Variants in MFHAS1 observed in about 807,000 individuals in gnomAD.
MFHAS1 encodes the protein multifunctional ROCO family signaling regulator 1, also known as malignant fibrous histiocytoma-amplified sequence 1.
Under a neutral mutation model 70.4 loss-of-function variants are expected in MFHAS1, and 50 were observed. The observed-to-expected ratio is 0.71, with a 90% CI of 0.57 to 0.90. The LOEUF (loss-of-function observed/expected upper bound fraction) is 0.90, where lower values mean the gene tolerates loss of function less well. Among genes scored for constraint, MFHAS1 ranks in the 40% least tolerant of loss-of-function variants. MFHAS1 has a pLI of 0.00. For missense variants in MFHAS1, 1,795 were observed against 1,347.6 expected (o/e 1.33, Z -5.20); for synonymous variants, 952 against 620.0 (o/e 1.54, Z -7.96).
chr8:8,866,324 T>C (rs568779424), intron 1 of MFHAS1, among the ~76,000 whole-genome samples: 7 of 151,690 alleles, frequency 4.6e-5, no homozygotes, highest in African/African-American at 1.7e-4. Context: ...TTTTGTTTTT[T>C]TTTTTTTCTT....
chr8:8,822,978 C>T (rs1807023274), intron 1 of MFHAS1, among the ~76,000 whole-genome samples: 2 of 152,048 alleles, frequency 1.3e-5, no homozygotes, highest in Non-Finnish European at 2.9e-5. Context: ...GGTAACAGAG[C>T]CAGGCATGGG....
At chr8:8,853,818 G>A (rs776233598) in intron 1 of MFHAS1, among the ~76,000 whole-genome samples, 3 of 152,004 alleles carry the variant, frequency 2.0e-5, no homozygotes, top group South Asian at 4.2e-4. Context: ...CCCCTACTTC[G>A]GCCTCCCAAA....
At position 8,784,111 on chromosome 8, in the gene MFHAS1, G is replaced by A. The variant is rs1416842407; in HGVS notation, c.*1911C>T. ...AGGAGCATTTTTGTCATTTAATATG[G>A]TCCCCGGGGAGTTAGCCCAAAATCA... is the stretch of plus-strand genomic sequence containing the variant. On this transcript the variant is annotated 3_prime_UTR_variant, in exon 3 of 3. Coordinates refer to ENST00000276282, the MANE Select transcript of MFHAS1 (RefSeq NM_004225.3). The A allele has an allele frequency of 6.6e-6, 1 of 152,082 alleles. No individual in the cohort carries two copies. The highest frequency in any genetic ancestry group is 1.9e-4 in the East Asian group (1 of 5,196). 9.4% of individuals were successfully genotyped at this position (152,082 alleles called of 1,614,324 possible). A position where few individuals can be genotyped will look rare whatever the true frequency, so the allele number is the denominator to read the frequency against.
At chr8:8,843,285 AAAAG>A (rs1253701138) in intron 1 of MFHAS1, among the ~76,000 whole-genome samples, 1 of 151,778 alleles carries the variant, frequency 6.6e-6, no homozygotes, top group Non-Finnish European at 1.5e-5. Flanking sequence ...CAAAAAAAAA[AAAAG>A]AAAGCGAAAG....
At chr8:8,799,056 C>T (rs893183677) in intron 1 of MFHAS1, among the ~76,000 whole-genome samples, 1 of 138,458 alleles carries the variant, frequency 7.2e-6, no homozygotes, top group Non-Finnish European at 1.6e-5. Context: ...TCAACAACAA[C>T]AAAAAAAAAA....
intron 1 of MFHAS1, among the ~76,000 whole-genome samples, chr8:8,836,545 A>G (rs1280426196): frequency 6.6e-6 from 1 of 151,932 alleles, no homozygotes; most frequent in African/African-American, 2.4e-5. Context: ...CACCCAGCCA[A>G]TTTTGTTTTT....
At chr8:8,802,346 CAT>C (rs1188822902) in intron 1 of MFHAS1, among the ~76,000 whole-genome samples, 3 of 152,202 alleles carry the variant, frequency 2.0e-5, no homozygotes, top group Non-Finnish European at 4.4e-5. Flanking sequence ...TTAGGTAACA[CAT>C]ACACGAAACA....
intron 1 of MFHAS1, among the ~76,000 whole-genome samples, chr8:8,828,861 A>G (rs1807261593): frequency 6.6e-6 from 1 of 152,188 alleles, no homozygotes; most frequent in African/African-American, 2.4e-5. Flanking sequence ...GATTCCTTAG[A>G]GACTAGTGGC....
chr8:8,826,764 A>G (rs1434363520), intron 1 of MFHAS1, among the ~76,000 whole-genome samples: 1 of 152,102 alleles, frequency 6.6e-6, no homozygotes, highest in East Asian at 1.9e-4. Context: ...TTCTGGAAAT[A>G]TTTTGGGTTT....
At chr8:8,827,669 G>C (rs915694032) in intron 1 of MFHAS1, among the ~76,000 whole-genome samples, 9 of 152,014 alleles carry the variant, frequency 5.9e-5, no homozygotes, top group African/African-American at 2.2e-4. Flanking sequence ...TATATTACTT[G>C]TTTTTTGACC....
In MFHAS1 at chr8:8,892,279, G is replaced by T; in HGVS notation, c.780C>A (p.Asn260Lys). Residue 260 changes from asparagine to lysine, a missense_variant, in exon 1 of 3, where the codon AAC becomes AAA. By Grantham distance (94) the Asn-to-Lys change is moderately conservative. Coordinates refer to ENST00000276282, the MANE Select transcript of MFHAS1 (RefSeq NM_004225.3). The surrounding 1 kb of genome is among the most constrained non-coding windows in gnomAD (Gnocchi z 4.7). ...ASLESLMLDN[N>K]GLQALPAQFS... is the part of the protein sequence containing the mutation. ...ACTGGGCGGGCAGAGCCTGCAGCCC[G>T]TTGTTGTCTAGCATGAGGCTCTCCA... The T allele has an allele frequency of 6.2e-7, 1 of 1,612,526 alleles. No homozygotes were observed. Among genetic ancestry groups the T allele is most frequent in the South Asian group, 1.1e-5 (1 of 91,088 alleles).
chr8:8,792,219 G>T (rs1049177329), intron 2 of MFHAS1, among the ~76,000 whole-genome samples: 2 of 87,984 alleles, frequency 2.3e-5, no homozygotes, highest in African/African-American at 1.2e-4. Context: ...CCTGGGTGAA[G>T]GAGTGAGACT....
At chr8:8,823,570 T>C (rs1307618238) in intron 1 of MFHAS1, among the ~76,000 whole-genome samples, 2 of 152,012 alleles carry the variant, frequency 1.3e-5, no homozygotes, top group Non-Finnish European at 2.9e-5. Flanking sequence ...TATTTTCTAC[T>C]TAATTTTCTA....
chr8:8,881,551 T>C (rs1809524316), intron 1 of MFHAS1, among the ~76,000 whole-genome samples: 1 of 152,172 alleles, frequency 6.6e-6, no homozygotes, highest in Non-Finnish European at 1.5e-5. Flanking sequence ...CACTATAGAA[T>C]GTTGGCTGGG....
intron 1 of MFHAS1, among the ~76,000 whole-genome samples, chr8:8,849,497 G>A (rs374233235): frequency 3.3e-5 from 5 of 152,202 alleles, no homozygotes; most frequent in South Asian, 2.1e-4. Flanking sequence ...GCACTTACAC[G>A]TGTGTGTATT....
At chr8:8,861,551 A>G (rs1378523662) in intron 1 of MFHAS1, among the ~76,000 whole-genome samples, 1 of 152,252 alleles carries the variant, frequency 6.6e-6, no homozygotes, top group Admixed American at 6.5e-5. Flanking sequence ...TCGTATAATC[A>G]AAACTTATTT....
Position 8,892,795 on chromosome 8 carries a change from G to T in MFHAS1, c.264C>A (p.Ser88Arg). 1.3e-6 allele frequency: 2 copies of T among 1,585,358 alleles called. No individual in the cohort carries two copies. Among genetic ancestry groups the T allele is most frequent in the Admixed American group, 1.8e-5 (1 of 55,876 alleles). The change falls in exon 1 of 3, where the codon AGC becomes AGA. Residue 88 changes from serine (S) to arginine (R), a missense_variant. Transcript: ENST00000276282. The surrounding 1 kb of genome is among the most constrained non-coding windows in gnomAD (Gnocchi z 4.7). ...VPEGLGSALGSLRVLVLRRNR... is the reference protein window; with the variant it reads ...VPEGLGSALGRLRVLVLRRNR... ...TCCTGCGCAGGACCAGGACGCGCAG[G>T]CTGCCCAGCGCCGACCCCAGCCCCT... is the stretch of plus-strand genomic sequence containing the variant.
intron 1 of MFHAS1, among the ~76,000 whole-genome samples, chr8:8,817,356 G>A (rs1046183699): frequency 7.9e-5 from 12 of 152,208 alleles, no homozygotes; most frequent in Non-Finnish European, 1.8e-4. Context: ...TGTATCAGAG[G>A]TAATTCGCTT....
At chr8:8,827,330 C>T (rs1807200141) in intron 1 of MFHAS1, among the ~76,000 whole-genome samples, 2 of 152,284 alleles carry the variant, frequency 1.3e-5, no homozygotes, top group South Asian at 4.1e-4. Flanking sequence ...AGAATACGAA[C>T]CTTTTAAATT....
Sources: gnomAD v4.1 joint callset for allele counts (sites outside exome capture counted in the v4.1 genomes callset) on GRCh38, gnomAD v4.1.1 for gene constraint, Gnocchi (gnomAD v3.1) non-coding constraint, MANE v1.5 for transcripts, NCBI Gene and HGNC (gene_info 2026-07-23, HGNC 2026-07-21) for gene names.